FANCL: variants seen among roughly 807,000 people sequenced by gnomAD.
FANCL encodes E3 ubiquitin-protein ligase FANCL.
FANCL carries 69 observed loss-of-function variants against 59.4 expected under a neutral mutation model. The observed-to-expected ratio is 1.16, with a 90% CI of 0.96 to 1.42. The LOEUF is 1.42. Ranked by LOEUF, FANCL falls within the 40% of genes most tolerant of loss-of-function variation. The pLI is 0.00. For synonymous variants in FANCL, 180 were observed against 147.1 expected, an observed-to-expected ratio of 1.22 and a Z score of -1.62; for missense variants, 519 against 447.2, an observed-to-expected ratio of 1.16 and a Z score of -1.45.
At chr2:58,229,016 T>C (rs891136551) in intron 3 of FANCL, among the ~76,000 whole-genome samples, 1 of 152,200 alleles carries the variant, frequency 6.6e-6, no homozygotes, top group Non-Finnish European at 1.5e-5. Context: ...AAAAAACTTC[T>C]GTAATTATAT....
At chr2:58,190,198 C>G (rs765718948) in intron 7 of FANCL, among the ~76,000 whole-genome samples, 1 of 151,906 alleles carries the variant, frequency 6.6e-6, no homozygotes, top group African/African-American at 2.4e-5. Context: ...GAACATATCA[C>G]CTCTTCTATA....
chr2:58,162,841 A>G (rs1685406061), intron 11 of FANCL, 25 bp downstream of exon 11: 1 of 1,584,570 alleles, frequency 6.3e-7, no homozygotes, highest in East Asian at 2.2e-5. Flanking sequence ...ACTGTCTGGA[A>G]TATCAAAACA....
At chr2:58,233,804 C>T (rs970588518) in intron 1 of FANCL, among the ~76,000 whole-genome samples, 3 of 151,932 alleles carry the variant, frequency 2.0e-5, no homozygotes, top group Non-Finnish European at 4.4e-5. Flanking sequence ...ACTTAATGTG[C>T]ATTAACACAA....
At chr2:58,186,689 G>A (rs1053579383) in intron 7 of FANCL, among the ~76,000 whole-genome samples, 2 of 152,166 alleles carry the variant, frequency 1.3e-5, no homozygotes, top group African/African-American at 4.8e-5. Context: ...AGATATGTAT[G>A]TATGCCTTGT....
intron 7 of FANCL, among the ~76,000 whole-genome samples, chr2:58,192,862 AAAC>A (rs896206856): frequency 2.6e-5 from 4 of 152,124 alleles, no homozygotes; most frequent in South Asian, 2.1e-4. Flanking sequence ...AAGAAAACAA[AAAC>A]AACAACAACA....
chr2:58,169,735 G>A (rs558257914), intron 7 of FANCL, among the ~76,000 whole-genome samples: 1 of 152,040 alleles, frequency 6.6e-6, no homozygotes, highest in African/African-American at 2.4e-5. Context: ...GAAAAACACA[G>A]CACGAGAACT....
At chr2:58,204,509 G>A (rs1482890498) in intron 5 of FANCL, among the ~76,000 whole-genome samples, 17 of 151,986 alleles carry the variant, frequency 1.1e-4, no homozygotes, top group Admixed American at 1.1e-3. Flanking sequence ...TCCATCACTG[G>A]AACCTTTGGC....
At chr2:58,218,763 G>C (rs749776730) in intron 5 of FANCL, among the ~76,000 whole-genome samples, 2 of 151,948 alleles carry the variant, frequency 1.3e-5, no homozygotes, top group African/African-American at 4.8e-5. Context: ...ATGGGAGCTC[G>C]GTTTCTCCCT....
intron 6 of FANCL, among the ~76,000 whole-genome samples, chr2:58,202,853 G>A (rs1157721045): frequency 1.3e-5 from 2 of 151,704 alleles, no homozygotes; most frequent in Non-Finnish European, 3.0e-5. Flanking sequence ...AAGTAGAAGA[G>A]CTTGTAAAAA....
intron 4 of FANCL, among the ~76,000 whole-genome samples, chr2:58,224,150 T>C (rs1259331973): frequency 3.3e-5 from 5 of 151,874 alleles, no homozygotes; most frequent in Non-Finnish European, 5.9e-5. Flanking sequence ...CAAAATTACA[T>C]GGCCAAGAGA....
At chr2:58,174,318 A>T (rs1687029814) in intron 7 of FANCL, among the ~76,000 whole-genome samples, 1 of 152,204 alleles carries the variant, frequency 6.6e-6, no homozygotes. Context: ...TTTCCACCCC[A>T]AATCAACAGA....
chr2:58,202,687 A>G (rs552051393), intron 6 of FANCL, among the ~76,000 whole-genome samples: 1 of 151,872 alleles, frequency 6.6e-6, no homozygotes, highest in Non-Finnish European at 1.5e-5. Context: ...TCTACCTTGA[A>G]AAAGTATAGA....
intron 5 of FANCL, among the ~76,000 whole-genome samples, chr2:58,206,325 AT>A (rs755783905): frequency 3.3e-5 from 5 of 152,156 alleles, no homozygotes; most frequent in Non-Finnish European, 5.9e-5. Context: ...ATGTAGGCAG[AT>A]TATTTAGAAA....
chr2:58,227,108 T>A (rs1374223080), intron 3 of FANCL, among the ~76,000 whole-genome samples: 3 of 152,058 alleles, frequency 2.0e-5, no homozygotes, highest in Non-Finnish European at 4.4e-5. Context: ...GCGATGGGAG[T>A]GTGGCTTGCT....
intron 7 of FANCL, among the ~76,000 whole-genome samples, chr2:58,166,114 A>T (rs1022540839): frequency 2.6e-5 from 4 of 151,116 alleles, no homozygotes; most frequent in South Asian, 4.2e-4. Flanking sequence ...AAAAATCATA[A>T]TTTTTTTATT....
chr2:58,212,769 C>T (rs1279694467), intron 5 of FANCL, among the ~76,000 whole-genome samples: 1 of 151,814 alleles, frequency 6.6e-6, no homozygotes, highest in African/African-American at 2.4e-5. Flanking sequence ...ATAACCCAGA[C>T]CTGTCATACC....
chr2:58,214,243 T>A (rs1398832672), intron 5 of FANCL, among the ~76,000 whole-genome samples: 1 of 152,228 alleles, frequency 6.6e-6, no homozygotes, highest in Non-Finnish European at 1.5e-5. Context: ...TCCTTATTTT[T>A]GGCTTTCATC....
intron 7 of FANCL, among the ~76,000 whole-genome samples, chr2:58,190,436 C>T (rs991312125): frequency 1.4e-5 from 2 of 146,972 alleles, no homozygotes; most frequent in African/African-American, 5.0e-5. Flanking sequence ...CAATCTTATC[C>T]TTAGCATCCT....
At chr2:58,222,523 C>T (rs1692586309) in intron 4 of FANCL, among the ~76,000 whole-genome samples, 2 of 151,992 alleles carry the variant, frequency 1.3e-5, no homozygotes, top group Admixed American at 6.5e-5. Flanking sequence ...TATCCACATG[C>T]TAATTTTTTT....
Sources: gnomAD v4.1 joint callset for allele counts (sites outside exome capture counted in the v4.1 genomes callset) on GRCh38, gnomAD v4.1.1 for gene constraint, MANE v1.5 for transcripts, NCBI Gene and HGNC (gene_info 2026-07-23, HGNC 2026-07-21) for gene names.